Variants in H2BC4 observed in about 807,000 individuals in gnomAD.
H2BC4 encodes the protein histone H2B type 1-C/E/F/G/I.
A neutral mutation model predicts 6.2 loss-of-function variants in H2BC4; 10 were observed. The ratio of observed to expected loss-of-function variants is 1.61; its 90% CI spans 0.99 to 2.73. H2BC4 has a LOEUF of 2.73. Ranked by LOEUF, H2BC4 falls within the 30% of genes most tolerant of loss-of-function variation. H2BC4 has a pLI of 0.00. For synonymous variants in H2BC4, 146 were observed against 70.7 expected (o/e 2.07, Z -5.35); for missense variants, 176 against 168.7 (o/e 1.04, Z -0.24).
intron 1 of H2BC4, among the ~76,000 whole-genome samples, chr6:26,115,599 G>T (rs952978853): frequency 6.6e-6 from 1 of 152,132 alleles, no homozygotes; most frequent in South Asian, 2.1e-4. Flanking sequence ...AGGCCAGGCC[G>T]TGGGGACTGT....
downstream of H2BC4, chr6:26,123,292 A>T: frequency 1.4e-6 from 1 of 701,598 alleles, no homozygotes; most frequent in Non-Finnish European, 2.2e-6. Context: ...AAATTTAAGC[A>T]CAACGAATTG....
chr6:26,123,101 T>C (rs1182314345), downstream of H2BC4, among the ~76,000 whole-genome samples: 1 of 152,124 alleles, frequency 6.6e-6, no homozygotes, highest in Non-Finnish European at 1.5e-5. Flanking sequence ...CCTCGATTGG[T>C]TAATATTTAA....
chr6:26,118,669 TC>T (rs1248616490), downstream of H2BC4, among the ~76,000 whole-genome samples: 4 of 152,192 alleles, frequency 2.6e-5, no homozygotes, highest in African/African-American at 9.6e-5. Flanking sequence ...GACCTCATCT[TC>T]CTCTGTAGAC....
At chr6:26,119,711 C>G (rs1487618821), downstream of H2BC4, among the ~76,000 whole-genome samples, 3 of 151,416 alleles carry the variant, frequency 2.0e-5, no homozygotes, top group Non-Finnish European at 4.4e-5. Flanking sequence ...AATATGAACC[C>G]TAAACTTGTG....
At chr6:26,123,356 CCTCT>C (rs1196019676), downstream of H2BC4, 12 of 1,210,364 alleles carry the variant, frequency 9.9e-6, no homozygotes, top group South Asian at 8.1e-5. Flanking sequence ...ACCCTTTGTC[CCTCT>C]CTAAGCTGCA....
downstream of H2BC4, among the ~76,000 whole-genome samples, chr6:26,114,674 A>G (rs1289016368): frequency 6.6e-6 from 1 of 152,072 alleles, no homozygotes; most frequent in Non-Finnish European, 1.5e-5. Flanking sequence ...ATGCATAAAA[A>G]TGGGAATCAA....
At chr6:26,117,569 T>G (rs1370407221) in intron 1 of H2BC4, among the ~76,000 whole-genome samples, 1 of 152,200 alleles carries the variant, frequency 6.6e-6, no homozygotes, top group Non-Finnish European at 1.5e-5. Flanking sequence ...CTGGAACTAG[T>G]GTTCTATAGG....
downstream of H2BC4, among the ~76,000 whole-genome samples, chr6:26,119,034 A>G (rs2113795536): frequency 6.6e-6 from 1 of 152,192 alleles, no homozygotes. Context: ...TTAAATAAGT[A>G]AAGGCTCAAG....
At chr6:26,120,757 A>G (rs924062658), downstream of H2BC4, among the ~76,000 whole-genome samples, 1 of 152,236 alleles carries the variant, frequency 6.6e-6, no homozygotes, top group Middle Eastern at 3.2e-3. Context: ...TCAGATATTG[A>G]AAGCACTCTT....
chr6:26,121,706 C>T (rs548743459), downstream of H2BC4, among the ~76,000 whole-genome samples: 2 of 151,284 alleles, frequency 1.3e-5, no homozygotes, highest in South Asian at 4.2e-4. Flanking sequence ...GGTAGGAGAG[C>T]GGTCAGTCTG....
At chr6:26,116,043 A>G (rs1049383886) in intron 1 of H2BC4, among the ~76,000 whole-genome samples, 2 of 152,200 alleles carry the variant, frequency 1.3e-5, no homozygotes, top group African/African-American at 2.4e-5. Context: ...GAAAAGTGAA[A>G]ACAAAAGTTT....
downstream of H2BC4, among the ~76,000 whole-genome samples, chr6:26,120,030 A>AT (rs201023153): frequency 2.8e-3 from 420 of 151,388 alleles, 2 homozygotes; most frequent in East Asian, 0.012. Flanking sequence ...AAAATTTTTG[A>AT]TTTTTTTTTA....
At chr6:26,116,826 G>A (rs1202916204) in intron 1 of H2BC4, among the ~76,000 whole-genome samples, 1 of 152,104 alleles carries the variant, frequency 6.6e-6, no homozygotes, top group Non-Finnish European at 1.5e-5. Flanking sequence ...CTGATCTTCA[G>A]ACCCCAAAGA....
chr6:26,120,008 T>C (rs181247620), downstream of H2BC4, among the ~76,000 whole-genome samples: 1 of 152,228 alleles, frequency 6.6e-6, no homozygotes, highest in East Asian at 1.9e-4. Context: ...GTAGCACATT[T>C]AAAGCACAAG....
chr6:26,123,202 A>G (rs1763531425), downstream of H2BC4, among the ~76,000 whole-genome samples: 1 of 152,228 alleles, frequency 6.6e-6, no homozygotes, highest in Non-Finnish European at 1.5e-5. Context: ...AGGGACAGAC[A>G]GCTGGGTCTG....
chr6:26,123,011 G>A (rs1226464119), downstream of H2BC4, among the ~76,000 whole-genome samples: 1 of 152,260 alleles, frequency 6.6e-6, no homozygotes, highest in African/African-American at 2.4e-5. Flanking sequence ...GAAAACAGAG[G>A]GGGAGTCCTT....
Position 26,123,505 on chromosome 6 carries a change from A to C in H2BC4, c.*19T>G. 2 of 1,614,198 alleles carry C rather than the reference A, an allele frequency of 1.2e-6. No individual in the cohort carries two copies. The highest frequency in any genetic ancestry group is 1.7e-6 in the Non-Finnish European group (2 of 1,180,028). On this transcript the variant is annotated 3_prime_UTR_variant, in exon 1 of 1. Transcript: ENST00000396984. The stretch of plus-strand genomic sequence containing the variant: ...AAAGAGCCTTTGGGGTTAGGTGTTA[A>C]GACGCTTACTTGGAATGTTTACTTG...
downstream of H2BC4, chr6:26,123,452 C>T (rs893626140): frequency 8.2e-6 from 13 of 1,587,760 alleles, no homozygotes; most frequent in African/African-American, 2.7e-5. Context: ...GGCCACAGCT[C>T]TTTTAGTGGG....
chr6:26,123,240 C>G (rs1262683152), downstream of H2BC4: 1 of 490,520 alleles, frequency 2.0e-6, no homozygotes, highest in African/African-American at 2.0e-5. Flanking sequence ...CGGTTTCTTC[C>G]GGGAACGCCG....
Sources: gnomAD v4.1 joint callset for allele counts (sites outside exome capture counted in the v4.1 genomes callset) on GRCh38, gnomAD v4.1.1 for gene constraint, MANE v1.5 for transcripts, NCBI Gene and HGNC (gene_info 2026-07-23, HGNC 2026-07-21) for gene names.